MINK1: variants seen among roughly 807,000 people sequenced by gnomAD.
MINK1 encodes misshapen-like kinase 1.
In MINK1, 46 loss-of-function variants were observed where a neutral mutation model predicts 178.4. That is an observed-to-expected ratio of 0.26 (90% confidence interval 0.20 to 0.33). The LOEUF (loss-of-function observed/expected upper bound fraction) is 0.33. MINK1 is among the 10% of genes least tolerant of loss of function. The pLI, the probability that MINK1 is intolerant of heterozygous loss-of-function variation, is 1.00. For synonymous variants in MINK1, 797 were observed against 709.7 expected (o/e 1.12, Z -1.96); for missense variants, 1,366 against 1,814.9 (o/e 0.75, Z 4.49).
Position 4,895,622 on chromosome 17 carries a change from C to T in MINK1, c.3230-76C>T, listed in dbSNP as rs1383391787. On this transcript the variant is annotated intron_variant, in intron 26 of 31. Transcript: ENST00000355280. The surrounding 1 kb of genome is among the most constrained non-coding windows in gnomAD (Gnocchi z 4.3). ...TTTCTCACCCCTTGTGGTATGCTGACAGAGGAGGCCAGGGCGGTGGCATTC... is the reference window on the plus strand; with the variant it reads ...TTTCTCACCCCTTGTGGTATGCTGATAGAGGAGGCCAGGGCGGTGGCATTC... 1.3e-6 allele frequency: 2 copies of T among 1,573,986 alleles called. No homozygotes were observed. The highest frequency in any genetic ancestry group is 1.3e-5 in the African/African-American group (1 of 74,342).
rs979435875 is a variant in MINK1 at position 4,886,365 on chromosome 17, G to A, written c.774-86G>A. 4 of 1,523,470 alleles carry A rather than the reference G, an allele frequency of 2.6e-6. No homozygotes were observed. In the African/African-American group the frequency reaches 5.5e-5, roughly 21 times the overall value. The allele number at this position is 1,523,470 out of a possible 1,614,324, so 94.4% of individuals were successfully genotyped here. ...TGAAGACAGGAGGGACGTCAAGGTG[G>A]CTTGTGGATGAATGATCCACCCTCT... On this transcript the variant is annotated intron_variant, in intron 9 of 31. Transcript: ENST00000355280. The surrounding 1 kb of genome is among the most constrained non-coding windows in gnomAD (Gnocchi z 6.1).
In MINK1 at chr17:4,886,166, G is replaced by C; in HGVS notation, c.741G>C (p.Arg247=). ...HPMRALFLIP[R]NPPPRLKSKK... Reference sequence around the variant, plus strand: ...TGCGAGCCCTCTTCCTCATTCCTCGGAACCCTCCGCCCAGGCTCAAGTCCA... The same window carrying C: ...TGCGAGCCCTCTTCCTCATTCCTCGCAACCCTCCGCCCAGGCTCAAGTCCA... Residue 247 remains arginine, a synonymous_variant, in exon 9 of 32, where the codon CGG becomes CGC. Coordinates refer to ENST00000355280, the MANE Select transcript of MINK1 (RefSeq NM_153827.5). This position sits in a 1 kb window ranked among gnomAD's most constrained non-coding sequence, Gnocchi z 6.1. 1 of 1,613,984 alleles carries C rather than the reference G, an allele frequency of 6.2e-7. No individual in the cohort carries two copies.
rs764269080 is a variant in MINK1 at position 4,895,315 on chromosome 17, T to TGAGCCTCTGACCTGCCC, written c.3086-34_3086-18dup. ...GCTCCTGGTTAGGTGAGGGCCTGGCTGAGCCTCTGACCTGCCCAAGGGCTC... is the reference window on the plus strand; with the variant it reads ...GCTCCTGGTTAGGTGAGGGCCTGGCTGAGCCTCTGACCTGCCCGAGCCTCTGACCTGCCCAAGGGCTC... On this transcript the variant is annotated intron_variant, in intron 25 of 31. Transcript: ENST00000355280. The surrounding 1 kb of genome is among the most constrained non-coding windows in gnomAD (Gnocchi z 4.3). 12 of 1,604,672 alleles carry TGAGCCTCTGACCTGCCC rather than the reference T, an allele frequency of 7.5e-6. No homozygotes were observed. Among genetic ancestry groups the TGAGCCTCTGACCTGCCC allele is most frequent in the Non-Finnish European group, 9.4e-6 (11 of 1,173,926 alleles).
chr17:4,835,766 A>C (rs924764051), intron 1 of MINK1, among the ~76,000 whole-genome samples: 1 of 152,130 alleles, frequency 6.6e-6, no homozygotes, highest in Non-Finnish European at 1.5e-5. Context: ...GATTTCCAGC[A>C]ATTCCACAAA....
chr17:4,877,210 G>C (rs2150974622), intron 1 of MINK1, among the ~76,000 whole-genome samples: 2 of 152,176 alleles, frequency 1.3e-5, no homozygotes, highest in Middle Eastern at 3.4e-3. Context: ...AAAAAAAAAG[G>C]TTCTGCCAGG....
At chr17:4,882,593 A>T (rs1555537805) in intron 4 of MINK1, among the ~76,000 whole-genome samples, 1 of 152,150 alleles carries the variant, frequency 6.6e-6, no homozygotes, top group Non-Finnish European at 1.5e-5. Flanking sequence ...GGACTGGCAA[A>T]CTTCTTCTGT....
At chr17:4,853,248 A>G (rs1403070222) in intron 1 of MINK1, among the ~76,000 whole-genome samples, 2 of 17,250 alleles carry the variant, frequency 1.2e-4, no homozygotes, top group Non-Finnish European at 1.0e-4. Flanking sequence ...GGTTGGTGGG[A>G]AGAGTGTGGT....
At position 4,894,714 on chromosome 17, in the gene MINK1, G is replaced by A. The variant is rs1969258893; in HGVS notation, c.2917+81G>A. 3.7e-6 allele frequency: 4 copies of A among 1,086,760 alleles called. No individual in the cohort carries two copies. The highest frequency in any genetic ancestry group is 1.4e-5 in the South Asian group (1 of 73,708). The allele number at this position is 1,086,760 out of a possible 1,614,324, so 67.3% of individuals were successfully genotyped here. ...GGGAGCACAGTGGTCTTGAGACGCA[G>A]CCTCACAAAGCATAGCCACAGGACC... On this transcript the variant is annotated intron_variant, in intron 24 of 31. Transcript: ENST00000355280. This position sits in a 1 kb window ranked among gnomAD's most constrained non-coding sequence, Gnocchi z 4.1.
chr17:4,894,328 C>T lies in MINK1; in HGVS notation c.2808+17C>T. On this transcript the variant is annotated intron_variant, in intron 23 of 31. Transcript: ENST00000355280. This position sits in a 1 kb window ranked among gnomAD's most constrained non-coding sequence, Gnocchi z 4.1. ...AGTGGTGACGTAAGTGGGCCGGAGG[C>T]AGGTCCGCCGGGAGAGAAGAGCCCT... The T allele has an allele frequency of 9.3e-6, 15 of 1,608,072 alleles. No individual in the cohort carries two copies. The highest frequency in any genetic ancestry group is 1.3e-5 in the Non-Finnish European group (15 of 1,178,098).
intron 1 of MINK1, among the ~76,000 whole-genome samples, chr17:4,872,842 T>A (rs1450735423): frequency 1.3e-5 from 2 of 152,156 alleles, no homozygotes; most frequent in Non-Finnish European, 2.9e-5. Context: ...ATGAACGATC[T>A]TCCCTATTTT....
chr17:4,839,938 AATGTGTGTGTGT>A (rs1427658633), intron 1 of MINK1, among the ~76,000 whole-genome samples: 2 of 102,288 alleles, frequency 2.0e-5, no homozygotes, highest in Admixed American at 2.4e-4. Context: ...ATTATTTATT[AATGTGTGTGTGT>A]GTGTGTGTGT....
In MINK1 at chr17:4,887,139, G is replaced by A. The variant is rs936841952; in HGVS notation, c.979G>A (p.Glu327Lys). The A allele has an allele frequency of 6.2e-7, 1 of 1,604,330 alleles. No homozygotes were observed. The highest frequency in any genetic ancestry group is 8.5e-7 in the Non-Finnish European group (1 of 1,175,678). ...EETEYEYSGS[E>K]EEDDSHGEEG... ...GACAGAATATGAGTACAGCGGCAGC[G>A]AGGAGGAAGATGACAGCCATGGAGA... The change falls in exon 11 of 32, where the codon GAG (glutamate) becomes AAG (lysine). Residue 327 changes from glutamate (E) to lysine (K), a missense_variant. Around this residue, in one of 14 missense-constraint regions of MINK1, gnomAD observed 8 missense variants for 27.2 expected, o/e 0.29. Transcript: ENST00000355280. The surrounding 1 kb of genome is among the most constrained non-coding windows in gnomAD (Gnocchi z 7.6).
At position 4,895,422 on chromosome 17, in the gene MINK1, G is replaced by T. The variant is rs1294310020; in HGVS notation, c.3158G>T (p.Gly1053Val). The change falls in exon 26 of 32, where the codon GGA (glycine) becomes GTA (valine). Residue 1053 changes from glycine (G) to valine (V), a missense_variant. By Grantham distance (109) the Gly-to-Val change is moderately radical. Coordinates refer to ENST00000355280, the MANE Select transcript of MINK1 (RefSeq NM_153827.5). This position sits in a 1 kb window ranked among gnomAD's most constrained non-coding sequence, Gnocchi z 4.3. ...LDRSGQGKVY[G>V]LIGRRRFQQM... ...CGAAGTGGGCAGGGCAAGGTGTATG[G>T]ACTCATTGGGCGGCGACGCTTCCAG... 1 of 1,610,218 alleles carries T rather than the reference G, an allele frequency of 6.2e-7. No individual in the cohort carries two copies. The highest frequency in any genetic ancestry group is 8.5e-7 in the Non-Finnish European group (1 of 1,177,716).
intron 1 of MINK1, among the ~76,000 whole-genome samples, chr17:4,840,359 T>C (rs1336712577): frequency 6.6e-6 from 1 of 152,180 alleles, no homozygotes; most frequent in Non-Finnish European, 1.5e-5. Flanking sequence ...TCCAAAAGGA[T>C]TTCTTCTGAA....
Position 4,891,678 on chromosome 17 carries a change from C to G in MINK1, c.1963C>G (p.Pro655Ala). The G allele has an allele frequency of 1.2e-6, 2 of 1,602,192 alleles. No homozygotes were observed. Among genetic ancestry groups the G allele is most frequent in the Non-Finnish European group, 1.7e-6 (2 of 1,175,104 alleles). ...AGGACCTGGCCCCAGCCCGAATCCCCCAGCCTGGGTCCGCCCAGATAACGA... is the reference window on the plus strand; with the variant it reads ...AGGACCTGGCCCCAGCCCGAATCCCGCAGCCTGGGTCCGCCCAGATAACGA... Reference protein sequence around the residue: ...SEGPGPSPNPPAWVRPDNEAP... With the variant: ...SEGPGPSPNPAAWVRPDNEAP... Residue 655 changes from proline (P) to alanine (A), a missense_variant, in exon 16 of 32, where the codon CCA (proline) becomes GCA (alanine). Around this residue, in one of 14 missense-constraint regions of MINK1, gnomAD observed 709 missense variants for 692.3 expected, o/e 1.02. Transcript: ENST00000355280.
intron 15 of MINK1, 76 bp downstream of exon 15, chr17:4,891,200 G>GCACGCACACACA: frequency 1.0e-6 from 1 of 1,003,382 alleles, no homozygotes; most frequent in South Asian, 1.8e-5. Context: ...ACACACGCGC[G>GCACGCACACACA]CACACACACA....
chr17:4,853,833 GAGA>G (rs1266345163), intron 1 of MINK1, among the ~76,000 whole-genome samples: 2 of 152,100 alleles, frequency 1.3e-5, no homozygotes, highest in South Asian at 2.1e-4. Flanking sequence ...AGTGAGACTT[GAGA>G]AGAAGTGCTG....
chr17:4,843,706 G>A (rs892368759), intron 1 of MINK1, among the ~76,000 whole-genome samples: 5 of 152,104 alleles, frequency 3.3e-5, no homozygotes, highest in Non-Finnish European at 7.4e-5. Context: ...TCCCTCACAA[G>A]AACCCTTTGA....
chr17:4,863,463 C>T (rs908667562), intron 1 of MINK1, among the ~76,000 whole-genome samples: 1 of 152,108 alleles, frequency 6.6e-6, no homozygotes, highest in Admixed American at 6.6e-5. Flanking sequence ...GGACTGGCTC[C>T]CTGGGGTCAG....
Sources: gnomAD v4.1 joint callset for allele counts (sites outside exome capture counted in the v4.1 genomes callset) on GRCh38, gnomAD v4.1.1 for gene constraint, gnomAD v4.1.1 regional missense constraint, Gnocchi (gnomAD v3.1) non-coding constraint, MANE v1.5 for transcripts, NCBI Gene and HGNC (gene_info 2026-07-23, HGNC 2026-07-21) for gene names.